ZNF804A: variants seen among roughly 807,000 people sequenced by gnomAD.
The protein encoded by ZNF804A is zinc finger protein 804A.
A neutral mutation model predicts 16.5 loss-of-function variants in ZNF804A; 2 were observed. The ratio of observed to expected loss-of-function variants is 0.12; its 90% confidence interval spans 0.05 to 0.38. The LOEUF (loss-of-function observed/expected upper bound fraction) is 0.38, where lower values mean the gene tolerates loss of function less well. Ranked by LOEUF, ZNF804A falls within the 10% of genes least tolerant of loss-of-function variation. The probability of loss-of-function intolerance (pLI) is 0.99; values close to 1 mark genes in which losing one functional copy is unlikely to be tolerated. For missense variants in ZNF804A, 1,473 were observed against 1,390.7 expected (o/e 1.06, Z -0.94); for synonymous variants, 534 against 489.6 (o/e 1.09, Z -1.20).
At chr2:184,910,610 C>G (rs1255700747) in intron 2 of ZNF804A, among the ~76,000 whole-genome samples, 2 of 151,990 alleles carry the variant, frequency 1.3e-5, no homozygotes, top group Non-Finnish European at 2.9e-5. Flanking sequence ...GAAGCATTCT[C>G]TTTTCTCCAC....
intron 1 of ZNF804A, among the ~76,000 whole-genome samples, chr2:184,716,662 G>A (rs995526991): frequency 6.6e-6 from 1 of 152,018 alleles, no homozygotes; most frequent in African/African-American, 2.4e-5. Flanking sequence ...TACATGGAGT[G>A]AATAACTTTT....
intron 1 of ZNF804A, among the ~76,000 whole-genome samples, chr2:184,793,054 T>C (rs1235071319): frequency 6.6e-6 from 1 of 152,146 alleles, no homozygotes; most frequent in African/African-American, 2.4e-5. Flanking sequence ...ATTAATTTCT[T>C]AGGATTGTGG....
chr2:184,880,107 T>A (rs1489911374), intron 2 of ZNF804A, among the ~76,000 whole-genome samples: 1 of 152,058 alleles, frequency 6.6e-6, no homozygotes, highest in East Asian at 1.9e-4. Context: ...TGATCATAGT[T>A]AGATTTTCTA....
chr2:184,664,475 A>T (rs1226613763), intron 1 of ZNF804A, among the ~76,000 whole-genome samples: 1 of 152,212 alleles, frequency 6.6e-6, no homozygotes, highest in Non-Finnish European at 1.5e-5. Context: ...ATTTCCTCTT[A>T]GTAATTCTGA....
At chr2:184,663,686 G>A (rs1475657198) in intron 1 of ZNF804A, among the ~76,000 whole-genome samples, 1 of 151,972 alleles carries the variant, frequency 6.6e-6, no homozygotes, top group East Asian at 1.9e-4. Flanking sequence ...CTTTGTTTGG[G>A]GCCCACCGAT....
intron 1 of ZNF804A, among the ~76,000 whole-genome samples, chr2:184,846,592 C>T (rs1425669909): frequency 6.6e-6 from 1 of 151,960 alleles, no homozygotes; most frequent in African/African-American, 2.4e-5. Context: ...TCTTGTTTGC[C>T]TTAAGAGATT....
intron 1 of ZNF804A, among the ~76,000 whole-genome samples, chr2:184,723,587 T>C (rs529678340): frequency 6.6e-6 from 1 of 151,852 alleles, no homozygotes; most frequent in Non-Finnish European, 1.5e-5. Flanking sequence ...TACATATTAG[T>C]GTTTTCATCC....
intron 1 of ZNF804A, among the ~76,000 whole-genome samples, chr2:184,788,092 C>T (rs927392870): frequency 3.3e-5 from 5 of 151,704 alleles, no homozygotes; most frequent in East Asian, 1.9e-4. Flanking sequence ...TTATTGAGTA[C>T]GGTGTCATTT....
At chr2:184,875,350 A>G (rs919216112) in intron 2 of ZNF804A, among the ~76,000 whole-genome samples, 5 of 152,154 alleles carry the variant, frequency 3.3e-5, no homozygotes, top group Admixed American at 1.3e-4. Context: ...TCTCATGGCA[A>G]TGAGTGAGTT....
chr2:184,928,996 G>T (rs1277711809), intron 2 of ZNF804A, among the ~76,000 whole-genome samples: 1 of 152,142 alleles, frequency 6.6e-6, no homozygotes, highest in Admixed American at 6.5e-5. Flanking sequence ...TTAAACCCAG[G>T]TACTGTGAAC....
intron 1 of ZNF804A, among the ~76,000 whole-genome samples, chr2:184,626,285 T>G (rs1691496998): frequency 6.6e-6 from 1 of 152,174 alleles, no homozygotes; most frequent in Non-Finnish European, 1.5e-5. Flanking sequence ...AGTGGTATAT[T>G]TTCAGCATTG....
At chr2:184,791,485 C>T (rs1694543160) in intron 1 of ZNF804A, among the ~76,000 whole-genome samples, 2 of 152,070 alleles carry the variant, frequency 1.3e-5, no homozygotes. Context: ...TAATAAGCTC[C>T]CAATCTCTTG....
At chr2:184,722,768 C>T (rs979695546) in intron 1 of ZNF804A, among the ~76,000 whole-genome samples, 3 of 151,916 alleles carry the variant, frequency 2.0e-5, no homozygotes, top group Non-Finnish European at 4.4e-5. Flanking sequence ...GATGTGATCG[C>T]TAATTTAACC....
intron 1 of ZNF804A, among the ~76,000 whole-genome samples, chr2:184,794,612 T>A (rs765530341): frequency 5.9e-5 from 9 of 151,932 alleles, no homozygotes; most frequent in Non-Finnish European, 1.3e-4. Context: ...AACCAAGGTA[T>A]ACAGGCAACA....
chr2:184,812,117 G>T (rs1694910849), intron 1 of ZNF804A, among the ~76,000 whole-genome samples: 1 of 152,062 alleles, frequency 6.6e-6, no homozygotes, highest in Non-Finnish European at 1.5e-5. Flanking sequence ...ATATATTTAG[G>T]AAACCTTTCC....
At chr2:184,622,288 A>G (rs1013379216) in intron 1 of ZNF804A, among the ~76,000 whole-genome samples, 1 of 151,804 alleles carries the variant, frequency 6.6e-6, no homozygotes, top group African/African-American at 2.4e-5. Flanking sequence ...AAGTATTTCA[A>G]TTCCTCTAAA....
Position 184,936,742 on chromosome 2 carries a change from C to G in ZNF804A, c.1346C>G (p.Thr449Arg), listed in dbSNP as rs761937104. The change falls in exon 4 of 4, where the codon ACG becomes AGG. Residue 449 changes from threonine (T) to arginine (R), a missense_variant. Coordinates refer to ENST00000302277, the MANE Select transcript of ZNF804A (RefSeq NM_194250.2). ...TCAGAAATGCTGGTTTATACAACTA[C>G]GAAACCATCAATTTCCTATAGCTGT... ...WPSEMLVYTT[T>R]KPSISYSCNP... 1.2e-6 allele frequency: 2 copies of G among 1,613,782 alleles called. No individual in the cohort carries two copies. The highest frequency in any genetic ancestry group is 1.7e-6 in the Non-Finnish European group (2 of 1,179,862).
chr2:184,811,423 A>T (rs1558968636), intron 1 of ZNF804A, among the ~76,000 whole-genome samples: 1 of 146,024 alleles, frequency 6.8e-6, no homozygotes, highest in African/African-American at 2.6e-5. Flanking sequence ...CTGGTCAAAT[A>T]TGTATTACTA....
At chr2:184,599,656 G>A (rs1184445675) in intron 1 of ZNF804A, among the ~76,000 whole-genome samples, 1 of 152,242 alleles carries the variant, frequency 6.6e-6, no homozygotes, top group African/African-American at 2.4e-5. Context: ...ACTGTAAAGT[G>A]GTGGCGGATA....
Sources: gnomAD v4.1 joint callset for allele counts (sites outside exome capture counted in the v4.1 genomes callset) on GRCh38, gnomAD v4.1.1 for gene constraint, MANE v1.5 for transcripts, NCBI Gene and HGNC (gene_info 2026-07-23, HGNC 2026-07-21) for gene names.